PRUNE2: variants seen among roughly 807,000 people sequenced by gnomAD.
PRUNE2 encodes the protein prune homolog 2 with BCH domain, also known as protein prune homolog 2.
PRUNE2 carries 164 observed loss-of-function variants against 252.0 expected under a neutral mutation model. The ratio of observed to expected loss-of-function variants is 0.65; its 90% CI spans 0.57 to 0.74. PRUNE2 has a LOEUF of 0.74. Among genes scored for constraint, PRUNE2 ranks in the 30% least tolerant of loss-of-function variants. The probability of loss-of-function intolerance (pLI) is 0.00; values close to 1 mark genes in which losing one functional copy is unlikely to be tolerated. For synonymous variants in PRUNE2, 1,292 were observed against 1,350.2 expected (o/e 0.96, Z 0.94); for missense variants, 3,495 against 3,711.0 (o/e 0.94, Z 1.51).
Position 76,703,700 on chromosome 9 carries a change from T to C in PRUNE2, c.7913A>G (p.His2638Arg). ...AQDQSWMFLG[H>R]SEVGDPSLDA... ...CAGTGATGGATCACCAACCTCACTA[T>C]GGCCCAAGAACATCCAACTCTGGTC... is the stretch of plus-strand genomic sequence containing the variant. Residue 2638 changes from histidine to arginine, a missense_variant, in exon 9 of 19, where the codon CAT becomes CGT. Physicochemically the swap from His to Arg is conservative, Grantham distance 29 (BLOSUM62 0). Transcript: ENST00000376718. 6.2e-7 allele frequency: 1 copy of C among 1,613,468 alleles called. No individual in the cohort carries two copies. The highest frequency in any genetic ancestry group is 8.5e-7 in the Non-Finnish European group (1 of 1,179,870).
chr9:76,799,984 T>C (rs1284252608), intron 6 of PRUNE2, among the ~76,000 whole-genome samples: 4 of 152,082 alleles, frequency 2.6e-5, no homozygotes, highest in African/African-American at 7.2e-5. Context: ...CAAATACCTA[T>C]CTGGAATGGG....
intron 6 of PRUNE2, among the ~76,000 whole-genome samples, chr9:76,780,504 A>G (rs368393207): frequency 2.6e-5 from 4 of 152,018 alleles, no homozygotes; most frequent in Non-Finnish European, 5.9e-5. Flanking sequence ...TGGCTAACAC[A>G]GTGAAACCCT....
intron 9 of PRUNE2, among the ~76,000 whole-genome samples, chr9:76,657,853 C>T (rs1588242527): frequency 6.6e-6 from 1 of 152,172 alleles, no homozygotes; most frequent in Admixed American, 6.5e-5. Flanking sequence ...CTGCACAAAT[C>T]TCCACAGAGC....
intron 3 of PRUNE2, 116 bp from the exon 4 acceptor site, chr9:76,846,794 G>A: frequency 1.3e-6 from 1 of 754,578 alleles, no homozygotes; most frequent in South Asian, 1.9e-5. Context: ...CCAAAAATAT[G>A]AGGGAACTCA....
In PRUNE2 at chr9:76,880,164, C is replaced by T. The variant is rs181542687; in HGVS notation, c.36+25764G>A. ...TCCTGACCTTGTGATCCGCCCTCCT[C>T]GGCCTCCCAAAGTGCTGGGATTACA... On this transcript the variant is annotated intron_variant, in intron 1 of 18. Coordinates refer to ENST00000376718, the MANE Select transcript of PRUNE2 (RefSeq NM_015225.3). Among the ~76,000 whole-genome samples the T allele has an allele frequency of 9.3e-4, 141 of 151,706 alleles. No homozygotes were observed. In the Middle Eastern group the frequency reaches 0.027, roughly 29 times the overall value.
intron 1 of PRUNE2, among the ~76,000 whole-genome samples, chr9:76,881,829 G>A (rs1376471471): frequency 6.6e-6 from 1 of 151,918 alleles, no homozygotes; most frequent in East Asian, 1.9e-4. Flanking sequence ...CACTACATCG[G>A]CCAGGCTGGT....
At position 76,713,597 on chromosome 9, in the gene PRUNE2, G is replaced by A; in HGVS notation, c.881C>T (p.Ala294Val). 6.2e-7 allele frequency: 1 copy of A among 1,609,232 alleles called. No homozygotes were observed. The highest frequency in any genetic ancestry group is 1.1e-5 in the South Asian group (1 of 89,740). Residue 294 changes from alanine (A) to valine (V), a missense_variant, in exon 7 of 19, where the codon GCT becomes GTT. Transcript: ENST00000376718. ...SEEQQPRRQI[A>V]VYSENMELCS... Reference sequence around the variant, plus strand: ...CAGCTCCATGTTTTCTGAGTACACAGCAATCTGTCGTCTCGGCTGCTGCTC... The same window carrying A: ...CAGCTCCATGTTTTCTGAGTACACAACAATCTGTCGTCTCGGCTGCTGCTC...
intron 6 of PRUNE2, among the ~76,000 whole-genome samples, chr9:76,751,075 C>T (rs12340384): frequency 6.6e-6 from 1 of 152,194 alleles, no homozygotes; most frequent in Non-Finnish European, 1.5e-5. Flanking sequence ...TATTAGCCCA[C>T]CTAAATCTAG....
Position 76,630,330 on chromosome 9 carries a change from C to T in PRUNE2, c.9051-1040G>A, listed in dbSNP as rs1837013348. Reference sequence around the variant, plus strand: ...TGAACCAACATTCAAAAATATGTTCCAATAATTGGATTTGAATTACAAACA... The same window carrying T: ...TGAACCAACATTCAAAAATATGTTCTAATAATTGGATTTGAATTACAAACA... On this transcript the variant is annotated intron_variant, in intron 15 of 18. Transcript: ENST00000376718. Among the ~76,000 whole-genome samples the T allele has an allele frequency of 2.0e-5, 3 of 149,524 alleles. No individual in the cohort carries two copies. The South Asian group carries it at 6.3e-4, about 31-fold the overall frequency.
At chr9:76,635,031 G>C (rs796822846) in intron 15 of PRUNE2, among the ~76,000 whole-genome samples, 10 of 152,208 alleles carry the variant, frequency 6.6e-5, no homozygotes, top group African/African-American at 2.4e-4. Context: ...GGAGTGCAGT[G>C]GTGTGATCTT....
At chr9:76,625,549 A>G (rs926860980) in intron 16 of PRUNE2, among the ~76,000 whole-genome samples, 2 of 152,238 alleles carry the variant, frequency 1.3e-5, no homozygotes, top group African/African-American at 4.8e-5. Flanking sequence ...TCTTATTTTC[A>G]TTAGAAAACA....
intron 6 of PRUNE2, among the ~76,000 whole-genome samples, chr9:76,722,224 A>ATTTTTTTTT (rs57390775): frequency 1.5e-5 from 2 of 130,558 alleles, no homozygotes; most frequent in Non-Finnish European, 3.3e-5. Flanking sequence ...ACACCCTGCT[A>ATTTTTTTTT]TTTTTTTTTT....
At chr9:76,829,600 A>G (rs933461991) in intron 4 of PRUNE2, among the ~76,000 whole-genome samples, 2 of 152,330 alleles carry the variant, frequency 1.3e-5, no homozygotes, top group African/African-American at 2.4e-5. Context: ...TAGTTTCAAC[A>G]GAGACTGCAG....
chr9:76,826,482 CAAAG>C (rs2058352946), intron 5 of PRUNE2, 94 bp downstream of exon 5: 1 of 941,442 alleles, frequency 1.1e-6, no homozygotes, highest in Middle Eastern at 3.6e-4. Context: ...AAAAAACAAA[CAAAG>C]AAACAAATAT....
At chr9:76,662,178 G>C (rs1416696662) in intron 9 of PRUNE2, among the ~76,000 whole-genome samples, 1 of 152,176 alleles carries the variant, frequency 6.6e-6, no homozygotes, top group Non-Finnish European at 1.5e-5. Flanking sequence ...ACTCAGCCCA[G>C]GAAGTTATAA....
chr9:76,698,508 C>T (rs2045600059), intron 9 of PRUNE2, among the ~76,000 whole-genome samples: 2 of 152,208 alleles, frequency 1.3e-5, no homozygotes, highest in South Asian at 4.1e-4. Context: ...CAAGGGCGCA[C>T]TGGAGTTTAG....
At chr9:76,666,867 A>G (rs2040300252) in intron 9 of PRUNE2, among the ~76,000 whole-genome samples, 1 of 152,118 alleles carries the variant, frequency 6.6e-6, no homozygotes, top group African/African-American at 2.4e-5. Flanking sequence ...ACCAACATGG[A>G]GAAACCCTGT....
chr9:76,774,938 C>A (rs1442194363), intron 6 of PRUNE2, among the ~76,000 whole-genome samples: 1 of 152,132 alleles, frequency 6.6e-6, no homozygotes. Flanking sequence ...ATTTCCTCAT[C>A]TATGTAATGG....
At chr9:76,676,267 C>A in intron 9 of PRUNE2, among the ~76,000 whole-genome samples, 2 of 84,020 alleles carry the variant, frequency 2.4e-5, no homozygotes, top group Non-Finnish European at 3.2e-5. Context: ...ATCTTCCACT[C>A]AAATTTTTTT....
Sources: allele counts gnomAD v4.1 joint callset (sites outside exome capture counted in the v4.1 genomes callset), GRCh38; gene constraint gnomAD v4.1.1; transcripts MANE v1.5; gene names NCBI Gene and HGNC (gene_info 2026-07-23, HGNC 2026-07-21).